Variants in ATP2C1 observed in about 807,000 individuals in gnomAD.
ATP2C1 encodes the protein ATPase secretory pathway Ca2+ transporting 1, also known as calcium-transporting ATPase type 2C member 1.
In ATP2C1, 31 loss-of-function variants were observed where a neutral mutation model predicts 120.5. The ratio of observed to expected loss-of-function variants is 0.26; its 90% CI spans 0.19 to 0.35. ATP2C1 has a LOEUF of 0.35. Ranked by LOEUF, ATP2C1 falls within the 10% of genes least tolerant of loss-of-function variation. The pLI is 1.00. For synonymous variants in ATP2C1, 351 were observed against 358.7 expected, an observed-to-expected ratio of 0.98 and a Z score of 0.24; for missense variants, 731 against 1,107.5, an observed-to-expected ratio of 0.66 and a Z score of 4.83.
chr3:130,884,765 CTCT>C (rs969596259), intron 1 of ATP2C1, among the ~76,000 whole-genome samples: 1 of 152,060 alleles, frequency 6.6e-6, no homozygotes, highest in African/African-American at 2.4e-5. Flanking sequence ...CCTTCTTTGT[CTCT>C]TCTTATAGTT....
chr3:130,962,069 CTT>C (rs2060845357), intron 12 of ATP2C1, among the ~76,000 whole-genome samples: 1 of 152,160 alleles, frequency 6.6e-6, no homozygotes, highest in Non-Finnish European at 1.5e-5. Context: ...TGGACCATCT[CTT>C]TTAGCTAAAC....
At position 130,937,468 on chromosome 3, in the gene ATP2C1, GTACTC is replaced by G; in HGVS notation, c.360+8_360+12del. 6.2e-7 allele frequency: 1 copy of G among 1,612,956 alleles called. No individual in the cohort carries two copies. Among genetic ancestry groups the G allele is most frequent in the Non-Finnish European group, 8.5e-7 (1 of 1,178,966 alleles). Reference sequence around the variant, plus strand: ...GTTACAGTTGCCTTTGTTCAGGTAAGTACTCTATTTTGCCAACATGAAAATGGTAT... The same window carrying G: ...GTTACAGTTGCCTTTGTTCAGGTAAGTATTTTGCCAACATGAAAATGGTAT... On this transcript the variant is annotated splice_donor_region_variant and intron_variant, in intron 6 of 27. Transcript: ENST00000510168.
At chr3:131,007,736 G>A (rs773458566), downstream of ATP2C1, among the ~76,000 whole-genome samples, 4 of 152,070 alleles carry the variant, frequency 2.6e-5, no homozygotes, top group Non-Finnish European at 5.9e-5. Context: ...TGACAATTTG[G>A]TGCCATCTTA....
At chr3:130,911,284 C>A (rs1336590765) in intron 2 of ATP2C1, among the ~76,000 whole-genome samples, 1 of 148,066 alleles carries the variant, frequency 6.8e-6, no homozygotes, top group Non-Finnish European at 1.5e-5. Flanking sequence ...TCTGTGGGAT[C>A]GGTAGTGATA....
chr3:130,852,737 A>G (rs756227139), intron 1 of ATP2C1, among the ~76,000 whole-genome samples: 10 of 152,242 alleles, frequency 6.6e-5, no homozygotes, highest in Non-Finnish European at 1.3e-4. Context: ...AAAGGAGGTT[A>G]ATAATGTCTA....
intron 18 of ATP2C1, 39 bp from the exon 19 acceptor site, chr3:130,979,210 C>CT (rs755742388): frequency 5.0e-6 from 8 of 1,602,572 alleles, no homozygotes; most frequent in Admixed American, 1.7e-5. Context: ...TCATGACTCA[C>CT]TTTTTTTTGT....
At chr3:130,945,225 T>C (rs1361277875) in intron 8 of ATP2C1, among the ~76,000 whole-genome samples, 1 of 152,100 alleles carries the variant, frequency 6.6e-6, no homozygotes, top group Non-Finnish European at 1.5e-5. Flanking sequence ...ATTTTAACTT[T>C]TAGTGTTGAG....
chr3:130,968,656 G>C (rs893025545), intron 16 of ATP2C1, among the ~76,000 whole-genome samples: 2 of 152,154 alleles, frequency 1.3e-5, no homozygotes, highest in African/African-American at 4.8e-5. Flanking sequence ...GGTTTCTGGA[G>C]AACCTTTAAG....
At chr3:130,998,231 A>C in intron 25 of ATP2C1, 63 bp from the exon 26 acceptor site, 2 of 1,088,426 alleles carry the variant, frequency 1.8e-6, no homozygotes, top group Non-Finnish European at 2.8e-6. Context: ...ATTTTTTAAA[A>C]AGCAGCGATT....
At position 130,918,323 on chromosome 3, in the gene ATP2C1, G is replaced by T. The variant is rs1325702254; in HGVS notation, c.7-12093G>T. The T allele has an allele frequency of 4.5e-6, 7 of 1,563,212 alleles. No individual in the cohort carries two copies. In the East Asian group the frequency reaches 9.0e-5, roughly 20 times the overall value. On this transcript the variant is annotated intron_variant, in intron 2 of 27. Transcript: ENST00000510168. ...ACAATAGATTTCACCTTCTTTTTCA[G>T]TCAGGAGTTGTTGATTCAAGACTCT...
At chr3:130,851,248 C>CT (rs1360747017) in intron 1 of ATP2C1, among the ~76,000 whole-genome samples, 1 of 152,198 alleles carries the variant, frequency 6.6e-6, no homozygotes, top group Non-Finnish European at 1.5e-5. Flanking sequence ...AAATTTGACA[C>CT]TATTAATATC....
intron 26 of ATP2C1, among the ~76,000 whole-genome samples, chr3:131,008,812 C>G (rs950426537): frequency 6.6e-6 from 1 of 152,186 alleles, no homozygotes; most frequent in African/African-American, 2.4e-5. Flanking sequence ...CTCTTGGTAG[C>G]AGATTTGATG....
chr3:130,996,026 T>C lies in ATP2C1; in HGVS notation c.2058-17T>C, dbSNP rs117316812. The C allele has an allele frequency of 2.8e-4, 406 of 1,460,726 alleles. 2 individuals are homozygous for C. In the East Asian group the frequency reaches 8.0e-3, roughly 29 times the overall value. 90.5% of individuals were successfully genotyped at this position (1,460,726 alleles called of 1,614,324 possible). On this transcript the variant is annotated splice_polypyrimidine_tract_variant and intron_variant, in intron 22 of 27. Coordinates refer to ENST00000510168, the MANE Select transcript of ATP2C1 (RefSeq NM_001378687.1). ...TGATAATATTTTCTCACTTCATCTT[T>C]ATTTTTTAAATTTCAGGTCTGCAAT... is the stretch of plus-strand genomic sequence containing the variant.
intron 2 of ATP2C1, among the ~76,000 whole-genome samples, chr3:130,901,194 T>A (rs188258106): frequency 6.6e-6 from 1 of 152,260 alleles, no homozygotes; most frequent in African/African-American, 2.4e-5. Context: ...GGTTACTGTT[T>A]ACTTAAGAGT....
intron 8 of ATP2C1, among the ~76,000 whole-genome samples, chr3:130,948,059 T>A (rs866384024): frequency 4.6e-5 from 7 of 152,156 alleles, no homozygotes; most frequent in South Asian, 2.1e-4. Flanking sequence ...ATTTATAAGT[T>A]TAATTATATA....
intron 2 of ATP2C1, among the ~76,000 whole-genome samples, chr3:130,916,697 C>A (rs573899304): frequency 1.3e-5 from 2 of 152,172 alleles, no homozygotes; most frequent in East Asian, 3.9e-4. Flanking sequence ...AATGTCTTAC[C>A]TTTATGTGTA....
intron 16 of ATP2C1, 131 bp from the exon 17 acceptor site, chr3:130,969,161 G>A (rs2061183583): frequency 1.4e-6 from 1 of 700,896 alleles, no homozygotes; most frequent in African/African-American, 1.8e-5. Context: ...TATAGATGGA[G>A]CATTTACTAT....
intron 26 of ATP2C1, among the ~76,000 whole-genome samples, chr3:131,010,359 A>G (rs1473817920): frequency 1.3e-5 from 2 of 150,796 alleles, no homozygotes; most frequent in African/African-American, 4.9e-5. Flanking sequence ...CCCGGCTGAT[A>G]TTGTTTTTGT....
At position 130,967,127 on chromosome 3, in the gene ATP2C1, C is replaced by T; in HGVS notation, c.1123-18C>T. 1 of 1,586,800 alleles carries T rather than the reference C, an allele frequency of 6.3e-7. No individual in the cohort carries two copies. Among genetic ancestry groups the T allele is most frequent in the Non-Finnish European group, 8.7e-7 (1 of 1,155,378 alleles). Reference sequence around the variant, plus strand: ...GTTTGTAGTGTTTGTATTATTGATCCCACTTTGTGATCTTTAGGTTACTGG... The same window carrying T: ...GTTTGTAGTGTTTGTATTATTGATCTCACTTTGTGATCTTTAGGTTACTGG... On this transcript the variant is annotated intron_variant, in intron 14 of 27. Coordinates refer to ENST00000510168, the MANE Select transcript of ATP2C1 (RefSeq NM_001378687.1).
Sources: allele counts gnomAD v4.1 joint callset (sites outside exome capture counted in the v4.1 genomes callset), GRCh38; gene constraint gnomAD v4.1.1; transcripts MANE v1.5; gene names NCBI Gene and HGNC (gene_info 2026-07-23, HGNC 2026-07-21).